Variants in CADPS observed in about 807,000 individuals in gnomAD.
CADPS encodes the protein calcium-dependent secretion activator 1.
A neutral mutation model predicts 167.3 loss-of-function variants in CADPS; 57 were observed. The observed-to-expected ratio is 0.34, with a 90% confidence interval of 0.28 to 0.42. The LOEUF is 0.42. Among genes scored for constraint, CADPS ranks in the 20% least tolerant of loss-of-function variants. The probability of loss-of-function intolerance (pLI) is 1.00; values close to 1 mark genes in which losing one functional copy is unlikely to be tolerated. For synonymous variants in CADPS, 676 were observed against 635.3 expected, an observed-to-expected ratio of 1.06 and a Z score of -0.96; for missense variants, 1,414 against 1,738.1, an observed-to-expected ratio of 0.81 and a Z score of 3.32.
chr3:62,562,497 A>G (rs2079354076), intron 9 of CADPS, among the ~76,000 whole-genome samples: 1 of 152,144 alleles, frequency 6.6e-6, no homozygotes, highest in African/African-American at 2.4e-5. Flanking sequence ...TTTGATAATT[A>G]AAAAAGAATT....
rs77511995 is a variant in CADPS, at chr3:62,620,295, T to C, written c.1325+25427A>G. On this transcript the variant is annotated intron_variant, in intron 6 of 29. Coordinates refer to ENST00000383710, the MANE Select transcript of CADPS (RefSeq NM_003716.4). ...GCCTATTATGTGTTTGGTGCTGTGC[T>C]AAGTGCTTTTGCTGCAGGATCTCAT... Among the ~76,000 whole-genome samples the C allele has an allele frequency of 7.3e-4, 111 of 152,276 alleles. 3 individuals are homozygous for C. The East Asian group carries it at 0.018, about 24-fold the overall frequency.
intron 6 of CADPS, among the ~76,000 whole-genome samples, chr3:62,599,846 A>AT (rs2059656403): frequency 4.8e-4 from 4 of 8,280 alleles, no homozygotes; most frequent in African/African-American, 6.6e-4. Context: ...TATATTATAT[A>AT]TATATAATAT....
At chr3:62,681,714 C>T (rs1413318618) in intron 3 of CADPS, among the ~76,000 whole-genome samples, 2 of 152,084 alleles carry the variant, frequency 1.3e-5, no homozygotes, top group Non-Finnish European at 2.9e-5. Context: ...CCATGTAATG[C>T]AGTCCCTCAG....
At chr3:62,666,274 A>G (rs1360725287) in intron 3 of CADPS, among the ~76,000 whole-genome samples, 1 of 152,180 alleles carries the variant, frequency 6.6e-6, no homozygotes. Context: ...GAAAAGGGAA[A>G]TGCAACTGAA....
intron 1 of CADPS, among the ~76,000 whole-genome samples, chr3:62,813,039 C>T (rs1018304751): frequency 1.3e-5 from 2 of 151,830 alleles, no homozygotes; most frequent in Non-Finnish European, 2.9e-5. Flanking sequence ...TCATATTGCC[C>T]ACAACAATCT....
chr3:62,768,176 G>T (rs1559531712), intron 1 of CADPS, among the ~76,000 whole-genome samples: 1 of 152,176 alleles, frequency 6.6e-6, no homozygotes. Flanking sequence ...CATTTGAACT[G>T]AAATATTAGG....
chr3:62,527,242 C>A (rs1042470835), intron 13 of CADPS, among the ~76,000 whole-genome samples: 1 of 152,140 alleles, frequency 6.6e-6, no homozygotes, highest in Non-Finnish European at 1.5e-5. Flanking sequence ...AAATGCAGCT[C>A]ATCACCAGGG....
intron 10 of CADPS, among the ~76,000 whole-genome samples, chr3:62,550,577 C>A (rs983482882): frequency 2.6e-5 from 4 of 152,160 alleles, no homozygotes; most frequent in African/African-American, 9.7e-5. Context: ...TAAAATGCAG[C>A]TTCTGATTCA....
chr3:62,563,706 C>A (rs113746967), intron 9 of CADPS, among the ~76,000 whole-genome samples: 11,556 of 152,080 alleles, frequency 0.076, 850 homozygotes, highest in African/African-American at 0.19. Context: ...ACCCTTTCCC[C>A]CTGAGTCCCC....
chr3:62,862,476 T>C (rs1448092750), intron 1 of CADPS, among the ~76,000 whole-genome samples: 1 of 152,138 alleles, frequency 6.6e-6, no homozygotes, highest in Non-Finnish European at 1.5e-5. Flanking sequence ...CCCAAAGACC[T>C]GGGATTACAG....
At chr3:62,565,117 A>T (rs2079907106) in intron 9 of CADPS, among the ~76,000 whole-genome samples, 1 of 152,130 alleles carries the variant, frequency 6.6e-6, no homozygotes, top group Non-Finnish European at 1.5e-5. Flanking sequence ...TAGAGTTACT[A>T]ACAGTAGTAA....
rs139157970 is a variant in CADPS, at chr3:62,535,199, C to T, written c.2103+1246G>A. 1.1e-3 allele frequency among the ~76,000 whole-genome samples: 159 copies of T among 151,022 alleles called. 1 individual carries two copies. Among genetic ancestry groups the T allele is most frequent in the Non-Finnish European group, 1.4e-3 (94 of 67,736 alleles). ...ACAAAACACATTTGAGAAAAATTGCCTTGCAATGCAAGGTAAGCTTTTTTC... is the reference window on the plus strand; with the variant it reads ...ACAAAACACATTTGAGAAAAATTGCTTTGCAATGCAAGGTAAGCTTTTTTC... On this transcript the variant is annotated intron_variant, in intron 12 of 29. Coordinates refer to ENST00000383710, the MANE Select transcript of CADPS (RefSeq NM_003716.4).
chr3:62,473,191 C>A (rs1036162130), intron 24 of CADPS, among the ~76,000 whole-genome samples: 1 of 125,498 alleles, frequency 8.0e-6, no homozygotes, highest in Non-Finnish European at 1.5e-5. Context: ...AAAAGGTCCT[C>A]GACAAGAAAA....
At chr3:62,774,062 A>C (rs1051343971) in intron 1 of CADPS, among the ~76,000 whole-genome samples, 5 of 152,178 alleles carry the variant, frequency 3.3e-5, no homozygotes, top group Non-Finnish European at 7.3e-5. Context: ...GGATTGTCCC[A>C]ACCAACAATT....
chr3:62,821,728 G>A (rs923349390), intron 1 of CADPS, among the ~76,000 whole-genome samples: 1 of 152,182 alleles, frequency 6.6e-6, no homozygotes, highest in African/African-American at 2.4e-5. Flanking sequence ...TGATGACACA[G>A]TCATAGGTAT....
At chr3:62,812,285 A>G (rs887159255) in intron 1 of CADPS, among the ~76,000 whole-genome samples, 4 of 152,144 alleles carry the variant, frequency 2.6e-5, no homozygotes, top group Non-Finnish European at 5.9e-5. Context: ...TTACTATATA[A>G]TCAAGAAAAT....
intron 24 of CADPS, chr3:62,473,937 C>A (rs1377398961): frequency 2.0e-5 from 8 of 410,154 alleles, no homozygotes; most frequent in Non-Finnish European, 3.0e-5. Flanking sequence ...AACTATATGG[C>A]CACCCCAACT....
At chr3:62,447,113 A>G (rs1044350942) in intron 26 of CADPS, among the ~76,000 whole-genome samples, 5 of 152,164 alleles carry the variant, frequency 3.3e-5, no homozygotes, top group Non-Finnish European at 7.3e-5. Flanking sequence ...CCCAGAATAT[A>G]GAGTCAAAAG....
At chr3:62,871,605 G>A (rs2082643507) in intron 1 of CADPS, among the ~76,000 whole-genome samples, 1 of 152,044 alleles carries the variant, frequency 6.6e-6, no homozygotes, top group South Asian at 2.1e-4. Context: ...TGGTGCTTTA[G>A]GCAAATAACA....
Sources: allele counts gnomAD v4.1 joint callset (sites outside exome capture counted in the v4.1 genomes callset), GRCh38; gene constraint gnomAD v4.1.1; transcripts MANE v1.5; gene names NCBI Gene and HGNC (gene_info 2026-07-23, HGNC 2026-07-21).